TMEM114: variants seen among roughly 807,000 people sequenced by gnomAD.
TMEM114 encodes the protein transmembrane protein 114, also known as claudin-26.
Under a neutral mutation model 6.2 loss-of-function variants are expected in TMEM114, and 6 were observed. The observed-to-expected ratio is 0.97, with a 90% CI of 0.53 to 1.91. The LOEUF (loss-of-function observed/expected upper bound fraction) is 1.91, where lower values mean the gene tolerates loss of function less well. TMEM114 is among the 40% of genes most tolerant of loss of function. The pLI, the probability that TMEM114 is intolerant of heterozygous loss-of-function variation, is 0.01. For missense variants in TMEM114, 218 were observed against 158.3 expected (o/e 1.38, Z -2.02); for synonymous variants, 104 against 73.0 (o/e 1.42, Z -2.16).
chr16:8,565,572 C>A (rs976054686), downstream of TMEM114, among the ~76,000 whole-genome samples: 1 of 152,112 alleles, frequency 6.6e-6, no homozygotes, highest in Non-Finnish European at 1.5e-5. Flanking sequence ...CTCCTCTAAC[C>A]CCCGGTTAGT....
chr16:8,570,020 A>C lies in TMEM114; in HGVS notation c.440-15T>G. On this transcript the variant is annotated splice_polypyrimidine_tract_variant and intron_variant, in intron 3 of 3. Coordinates refer to ENST00000620492, the MANE Select transcript of TMEM114 (RefSeq NM_001146336.2). ...GGTCACCATGGCTGCAGGGAGGGCA[A>C]AGGGAGAGCAGATCAATCCCCCACC... The C allele has an allele frequency of 6.5e-7, 1 of 1,542,594 alleles. No individual in the cohort carries two copies. The highest frequency in any genetic ancestry group is 8.8e-7 in the Non-Finnish European group (1 of 1,140,718).
chr16:8,585,497 C>T (rs776458870), intron 2 of TMEM114, among the ~76,000 whole-genome samples: 6 of 152,132 alleles, frequency 3.9e-5, no homozygotes, highest in African/African-American at 7.2e-5. Context: ...GCTTGTCGAA[C>T]GTGCTGCTTG....
At chr16:8,556,189 G>A (rs563471230) in intron 2 of TMEM114, among the ~76,000 whole-genome samples, 2 of 151,980 alleles carry the variant, frequency 1.3e-5, no homozygotes, top group Admixed American at 6.6e-5. Flanking sequence ...CTTCCCGCCA[G>A]CTCTGCCCAC....
At chr16:8,577,002 C>T (rs1901960884) in intron 2 of TMEM114, among the ~76,000 whole-genome samples, 1 of 152,170 alleles carries the variant, frequency 6.6e-6, no homozygotes, top group Non-Finnish European at 1.5e-5. Flanking sequence ...CATAGACCTT[C>T]CATTTGAGGC....
At chr16:8,564,489 A>ATGAGTGAATGAATGAG (rs1555463950) in intron 2 of TMEM114, among the ~76,000 whole-genome samples, 1 of 96,968 alleles carries the variant, frequency 1.0e-5, no homozygotes, top group Non-Finnish European at 2.0e-5. Flanking sequence ...GAGGGAATGA[A>ATGAGTGAATGAATGAG]TGAGTGAATG....
chr16:8,571,979 ACC>A, intron 3 of TMEM114, 106 bp downstream of exon 3: 2 of 1,328,512 alleles, frequency 1.5e-6, no homozygotes, highest in Non-Finnish European at 2.0e-6. Flanking sequence ...GGGAAACTGA[ACC>A]CCACGAGGCC....
chr16:8,564,373 G>C (rs1467284454), intron 2 of TMEM114, among the ~76,000 whole-genome samples: 1 of 149,202 alleles, frequency 6.7e-6, no homozygotes, highest in East Asian at 2.0e-4. Flanking sequence ...GAATGAGTCA[G>C]TGAATGAGTG....
intron 2 of TMEM114, among the ~76,000 whole-genome samples, chr16:8,557,928 G>A (rs530093551): frequency 3.3e-5 from 5 of 152,276 alleles, no homozygotes; most frequent in East Asian, 3.9e-4. Flanking sequence ...CAACTGAAAT[G>A]TATTCTCTCA....
chr16:8,559,229 G>C (rs986636728), intron 2 of TMEM114, among the ~76,000 whole-genome samples: 1 of 152,044 alleles, frequency 6.6e-6, no homozygotes, highest in Non-Finnish European at 1.5e-5. Context: ...TTTTAGCAGA[G>C]ACGGGGTTTC....
At chr16:8,526,728 T>G in the TMEM114 span, 1 of 152,296 alleles carries the variant, frequency 6.6e-6, no homozygotes, top group South Asian at 2.1e-4. Flanking sequence ...AATTACCCAG[T>G]CTCAAGTATT....
At chr16:8,538,564 G>C (rs1171878806) in intron 2 of TMEM114, among the ~76,000 whole-genome samples, 1 of 152,020 alleles carries the variant, frequency 6.6e-6, no homozygotes, top group Non-Finnish European at 1.5e-5. Context: ...CTGGAGTGCA[G>C]TGGTGCGATC....
intron 2 of TMEM114, among the ~76,000 whole-genome samples, chr16:8,559,362 A>G (rs1320814875): frequency 6.6e-6 from 1 of 152,134 alleles, no homozygotes; most frequent in Non-Finnish European, 1.5e-5. Flanking sequence ...CCCAGTTCTG[A>G]GACTAGCTGC....
downstream of TMEM114, among the ~76,000 whole-genome samples, chr16:8,566,128 T>G (rs934290768): frequency 2.0e-5 from 3 of 152,244 alleles, no homozygotes; most frequent in South Asian, 6.2e-4. Context: ...CCCAGCACTT[T>G]GGGAGGCCAA....
chr16:8,562,052 GTGAATGAGTGAGTAAATGAGTGAGTGAA>G (rs1901240779), intron 2 of TMEM114, among the ~76,000 whole-genome samples: 1 of 150,768 alleles, frequency 6.6e-6, no homozygotes, highest in African/African-American at 2.5e-5. Context: ...GAGTGAGTGA[GTGAATGAGTGAGTAAATGAGTGAGTGAA>G]TGAATGAGTG....
rs139517465 is a variant in TMEM114 at position 8,575,745 on chromosome 16, A to G, written c.302-3521T>C. Among the ~76,000 whole-genome samples, 253 of 152,318 alleles carry G rather than the reference A, an allele frequency of 1.7e-3. 1 individual carries two copies. Among genetic ancestry groups the G allele is most frequent in the African/African-American group, 5.7e-3 (237 of 41,574 alleles). Reference sequence around the variant, plus strand: ...AGAGGTAAAATGGACAAACTTCTTAAAATGGTGCTTGTCACATCATAAACC... The same window carrying G: ...AGAGGTAAAATGGACAAACTTCTTAGAATGGTGCTTGTCACATCATAAACC... On this transcript the variant is annotated intron_variant, in intron 2 of 3. Transcript: ENST00000620492.
intron 2 of TMEM114, among the ~76,000 whole-genome samples, chr16:8,582,938 GGGCAGGGAAA>G (rs201164107): frequency 0.012 from 1,865 of 152,010 alleles, 43 homozygotes; most frequent in African/African-American, 0.042. Flanking sequence ...GGGCAGGGAA[GGGCAGGGAAA>G]GGCAGGGAAA....
chr16:8,563,490 T>C (rs941817892), intron 2 of TMEM114, among the ~76,000 whole-genome samples: 2 of 151,270 alleles, frequency 1.3e-5, no homozygotes, highest in Admixed American at 1.3e-4. Flanking sequence ...AGTAAGTGAA[T>C]GAGTGACTGA....
At chr16:8,538,797 C>T (rs904401493) in intron 2 of TMEM114, among the ~76,000 whole-genome samples, 15 of 152,152 alleles carry the variant, frequency 9.9e-5, no homozygotes, top group East Asian at 1.9e-4. Flanking sequence ...TGAGCCACCG[C>T]GCCCGCCCGG....
At chr16:8,536,243 T>C (rs8053655), downstream of TMEM114, among the ~76,000 whole-genome samples, 37,058 of 150,842 alleles carry the variant, frequency 0.25, 4,660 homozygotes, top group Middle Eastern at 0.35. Context: ...AAAAAAAATG[T>C]AGGGGTTGAA....
Sources: allele counts gnomAD v4.1 joint callset (sites outside exome capture counted in the v4.1 genomes callset), GRCh38; gene constraint gnomAD v4.1.1; transcripts MANE v1.5; gene names NCBI Gene and HGNC (gene_info 2026-07-23, HGNC 2026-07-21).